CEP350: variants seen among roughly 807,000 people sequenced by gnomAD.
CEP350 encodes centrosome-associated protein 350.
In CEP350, 126 loss-of-function variants were observed where a neutral mutation model predicts 331.8. The observed-to-expected ratio is 0.38, with a 90% CI of 0.33 to 0.44. The LOEUF is 0.44. Ranked by LOEUF, CEP350 falls within the 20% of genes least tolerant of loss-of-function variation. CEP350 has a pLI of 1.00. For missense variants in CEP350, 3,406 were observed against 3,634.6 expected (o/e 0.94, Z 1.62); for synonymous variants, 1,200 against 1,259.5 (o/e 0.95, Z 1.00).
intron 37 of CEP350, 73 bp downstream of exon 37, chr1:180,099,058 A>T: frequency 6.9e-7 from 1 of 1,446,698 alleles, no homozygotes; most frequent in Non-Finnish European, 9.4e-7. Context: ...AGATTCTAAA[A>T]GGAAAAGGGA....
chr1:179,955,552 C>A (rs912921976), intron 1 of CEP350, among the ~76,000 whole-genome samples: 2 of 152,136 alleles, frequency 1.3e-5, no homozygotes, highest in Non-Finnish European at 2.9e-5. Context: ...CAGTGGGGAT[C>A]ACATTCTCAA....
intron 25 of CEP350, 24 bp from the exon 26 acceptor site, chr1:180,062,196 C>CTCTCTTAACTCTTTAAACCT: frequency 6.4e-7 from 1 of 1,564,788 alleles, no homozygotes; most frequent in Non-Finnish European, 8.6e-7. Context: ...ATCTTAATCC[C>CTCTCTTAACTCTTTAAACCT]TCTCTTAACT....
chr1:180,073,960 T>G, intron 27 of CEP350: 1 of 1,282,140 alleles, frequency 7.8e-7, no homozygotes, highest in Non-Finnish European at 1.0e-6. Context: ...GCTCTGTTCT[T>G]TTTGTTTGTT....
intron 11 of CEP350, among the ~76,000 whole-genome samples, chr1:180,019,487 T>G (rs2148829087): frequency 6.6e-6 from 1 of 152,332 alleles, no homozygotes; most frequent in Non-Finnish European, 1.5e-5. Flanking sequence ...TATTTGTTGA[T>G]TAGAATAATC....
chr1:180,113,585 G>T lies in CEP350; in HGVS notation c.*2424G>T, dbSNP rs920978485. 5 of 151,726 alleles carry T rather than the reference G, an allele frequency of 3.3e-5. No homozygotes were observed. The highest frequency in any genetic ancestry group is 7.4e-5 in the Non-Finnish European group (5 of 67,910). 9.4% of individuals were successfully genotyped at this position (151,726 alleles called of 1,614,324 possible). ...TTTGGTAGCAAAAAAAAAGAAAAAA[G>T]AATCCATAATTAGCAGATTTCTTAT... On this transcript the variant is annotated 3_prime_UTR_variant, in exon 38 of 38. Transcript: ENST00000367607.
At chr1:179,995,880 T>C (rs1307180617) in intron 5 of CEP350, among the ~76,000 whole-genome samples, 1 of 152,268 alleles carries the variant, frequency 6.6e-6, no homozygotes, top group African/African-American at 2.4e-5. Context: ...ACTTCCACTT[T>C]ATTTCTACCC....
chr1:179,999,460 T>C (rs1653713261), intron 6 of CEP350, among the ~76,000 whole-genome samples: 3 of 152,152 alleles, frequency 2.0e-5, no homozygotes, highest in South Asian at 4.1e-4. Flanking sequence ...TGGCTTCCGA[T>C]GTCCTAAGCA....
At chr1:180,046,893 C>T (rs1040395966) in intron 21 of CEP350, among the ~76,000 whole-genome samples, 3 of 152,178 alleles carry the variant, frequency 2.0e-5, no homozygotes, top group Non-Finnish European at 4.4e-5. Context: ...GATTCAACCC[C>T]ATGTCCTTCT....
chr1:179,974,810 G>A (rs1651731932), intron 1 of CEP350, among the ~76,000 whole-genome samples: 1 of 152,118 alleles, frequency 6.6e-6, no homozygotes, highest in African/African-American at 2.4e-5. Context: ...TGAGCAACAG[G>A]AGAGATCTGT....
chr1:180,020,439 T>G lies in CEP350; in HGVS notation c.2665T>G (p.Phe889Val). ...TGTGAAAGATGATAATGAAGATGTTTTCTCTGCCAGAATTCAGAAGATGCT... is the reference window on the plus strand; with the variant it reads ...TGTGAAAGATGATAATGAAGATGTTGTCTCTGCCAGAATTCAGAAGATGCT... ...PPVKDDNEDV[F>V]SARIQKMLGS... The change falls in exon 12 of 38, where the codon TTC becomes GTC. Residue 889 changes from phenylalanine (F) to valine (V), a missense_variant. Phe to Val is a conservative substitution (Grantham distance 50). Coordinates refer to ENST00000367607, the MANE Select transcript of CEP350 (RefSeq NM_014810.5). 1 of 1,613,986 alleles carries G rather than the reference T, an allele frequency of 6.2e-7. No individual in the cohort carries two copies. Among genetic ancestry groups the G allele is most frequent in the South Asian group, 1.1e-5 (1 of 91,082 alleles).
chr1:180,053,468 T>C (rs528868424), intron 23 of CEP350, among the ~76,000 whole-genome samples: 1 of 152,320 alleles, frequency 6.6e-6, no homozygotes, highest in African/African-American at 2.4e-5. Context: ...CATTCGTTCT[T>C]ACCAAATTGT....
intron 15 of CEP350, among the ~76,000 whole-genome samples, chr1:180,032,795 C>T (rs375266786): frequency 1.1e-4 from 17 of 152,132 alleles, no homozygotes; most frequent in African/African-American, 3.9e-4. Context: ...TTATAAAACC[C>T]TAAGGTGAGG....
Position 180,020,542 on chromosome 1 carries a change from C to G in CEP350, c.2768C>G (p.Pro923Arg). The G allele has an allele frequency of 6.2e-7, 1 of 1,613,772 alleles. No homozygotes were observed. Among genetic ancestry groups the G allele is most frequent in the African/African-American group, 1.3e-5 (1 of 74,936 alleles). The change falls in exon 12 of 38, where the codon CCT becomes CGT. Residue 923 changes from proline to arginine, a missense_variant. Transcript: ENST00000367607. ...AATCTTAGTGAATTTAAAAAGCTTC[C>G]TGAGATGATAAGACCACAGAGTGCC... ...VGNLSEFKKL[P>R]EMIRPQSAIS...
chr1:180,091,607 G>C (rs1195564895), intron 33 of CEP350, among the ~76,000 whole-genome samples: 1 of 152,130 alleles, frequency 6.6e-6, no homozygotes, highest in African/African-American at 2.4e-5. Context: ...GAAGTAGGCA[G>C]GTCACTTGAG....
intron 1 of CEP350, chr1:179,969,179 CTG>C (rs372780152): frequency 2.1e-4 from 120 of 579,634 alleles, no homozygotes; most frequent in Middle Eastern, 4.1e-4. Context: ...CGGGGAAGTT[CTG>C]TGTGTGTGTG....
chr1:180,079,399 A>G (rs754148171), intron 29 of CEP350, among the ~76,000 whole-genome samples: 1 of 152,024 alleles, frequency 6.6e-6, no homozygotes, highest in Non-Finnish European at 1.5e-5. Context: ...TGTGATAGAA[A>G]GAATTAATTT....
At chr1:180,025,656 C>G (rs578110929) in intron 14 of CEP350, among the ~76,000 whole-genome samples, 2 of 152,106 alleles carry the variant, frequency 1.3e-5, no homozygotes, top group South Asian at 4.1e-4. Context: ...GAACAGAAAA[C>G]CAAACACCGC....
At chr1:179,985,795 C>T (rs1015954491) in intron 1 of CEP350, among the ~76,000 whole-genome samples, 4 of 152,108 alleles carry the variant, frequency 2.6e-5, no homozygotes, top group African/African-American at 7.2e-5. Flanking sequence ...TACCTGGTCC[C>T]GCCTATGACA....
chr1:180,054,134 T>A (rs1360299148), intron 24 of CEP350, among the ~76,000 whole-genome samples, 200 bp downstream of exon 24: 2 of 152,244 alleles, frequency 1.3e-5, no homozygotes, highest in East Asian at 3.8e-4. Flanking sequence ...GCATTCCCCT[T>A]TTATCACTTA....
Sources: gnomAD v4.1 joint callset for allele counts (sites outside exome capture counted in the v4.1 genomes callset) on GRCh38, gnomAD v4.1.1 for gene constraint, MANE v1.5 for transcripts, NCBI Gene and HGNC (gene_info 2026-07-23, HGNC 2026-07-21) for gene names.